ZFC3H1: variants seen among roughly 807,000 people sequenced by gnomAD.
ZFC3H1 encodes zinc finger C3H1-type containing.
In ZFC3H1, 71 loss-of-function variants were observed where a neutral mutation model predicts 243.7. The observed-to-expected ratio is 0.29, with a 90% CI of 0.24 to 0.36. ZFC3H1 has a LOEUF of 0.36. ZFC3H1 is among the 10% of genes least tolerant of loss of function. The probability of loss-of-function intolerance (pLI) is 1.00; values close to 1 mark genes in which losing one functional copy is unlikely to be tolerated. For synonymous variants in ZFC3H1, 838 were observed against 813.0 expected, an observed-to-expected ratio of 1.03 and a Z score of -0.52; for missense variants, 1,966 against 2,317.1, an observed-to-expected ratio of 0.85 and a Z score of 3.11.
intron 5 of ZFC3H1, among the ~76,000 whole-genome samples, chr12:71,643,879 A>G (rs1030988920): frequency 6.6e-6 from 1 of 152,208 alleles, no homozygotes; most frequent in Non-Finnish European, 1.5e-5. Context: ...GAAAATCGTA[A>G]AAAACCTAAA....
At chr12:71,618,500 A>G (rs191185667) in intron 27 of ZFC3H1, among the ~76,000 whole-genome samples, 94 of 152,290 alleles carry the variant, frequency 6.2e-4, no homozygotes, top group Non-Finnish European at 9.7e-4. Context: ...TTTACTTATG[A>G]TCGGCAAACC....
chr12:71,619,210 TAA>T (rs2137519394), intron 27 of ZFC3H1, 103 bp downstream of exon 27: 3 of 973,718 alleles, frequency 3.1e-6, no homozygotes, highest in East Asian at 5.2e-5. Flanking sequence ...ATTCAAGTAC[TAA>T]AAAGTCAGTC....
Position 71,644,992 on chromosome 12 carries a change from T to C in ZFC3H1, c.1164A>G (p.Gln388=), listed in dbSNP as rs181741024. 289 of 1,613,842 alleles carry C rather than the reference T, an allele frequency of 1.8e-4. 1 individual carries two copies. In the East Asian group the frequency reaches 6.1e-3, roughly 34 times the overall value. Residue 388 remains glutamine (Q), a synonymous_variant, in exon 4 of 35, where the codon CAA becomes CAG. Coordinates refer to ENST00000378743, the MANE Select transcript of ZFC3H1 (RefSeq NM_144982.5). ...ALQSASKKWQ[Q]KEQQVMKESK... ...TTTCTTTCATCACCTGCTGTTCTTT[T>C]TGTTGCCATTTTTTACTGGCTGACT...
chr12:71,613,456 G>A lies in ZFC3H1; in HGVS notation c.5527-21C>T, dbSNP rs567508114. 98 of 1,538,056 alleles carry A rather than the reference G, an allele frequency of 6.4e-5. 1 individual carries two copies. The highest frequency in any genetic ancestry group is 7.5e-5 in the Non-Finnish European group (85 of 1,132,274). On this transcript the variant is annotated intron_variant, in intron 30 of 34. Coordinates refer to ENST00000378743, the MANE Select transcript of ZFC3H1 (RefSeq NM_144982.5). ...ATAACCTGTAAAGGTTGAGGGGGGC[G>A]AAAAATGAATGCAACCAAAATGTGA...
At chr12:71,618,279 A>T (rs1046805535) in intron 27 of ZFC3H1, among the ~76,000 whole-genome samples, 8 of 127,872 alleles carry the variant, frequency 6.3e-5, no homozygotes, top group African/African-American at 8.6e-5. Context: ...AAATAAAATT[A>T]AAAAAAAAAA....
intron 24 of ZFC3H1, among the ~76,000 whole-genome samples, chr12:71,623,153 G>A (rs17110032): frequency 0.017 from 2,613 of 152,038 alleles, 63 homozygotes; most frequent in African/African-American, 0.059. Flanking sequence ...ATGTAATATC[G>A]TGCAGTTATT....
intron 1 of ZFC3H1, among the ~76,000 whole-genome samples, chr12:71,661,727 C>T (rs1881182269): frequency 6.6e-6 from 1 of 151,928 alleles, no homozygotes; most frequent in Non-Finnish European, 1.5e-5. Flanking sequence ...AGTGATCCAC[C>T]GCCTCGGCCT....
intron 4 of ZFC3H1, 91 bp downstream of exon 4, chr12:71,644,786 C>T (rs1880686259): frequency 1.4e-6 from 2 of 1,444,630 alleles, no homozygotes; most frequent in Non-Finnish European, 1.9e-6. Context: ...CCACTGTACT[C>T]CAGCCTGGGC....
At chr12:71,662,652 AT>A (rs1177719965) in intron 1 of ZFC3H1, among the ~76,000 whole-genome samples, 1 of 152,182 alleles carries the variant, frequency 6.6e-6, no homozygotes, top group Non-Finnish European at 1.5e-5. Flanking sequence ...GTTTATGAAT[AT>A]TTTTTCTCTA....
chr12:71,610,441 C>T lies in ZFC3H1; in HGVS notation c.5957G>A (p.Ser1986Asn). Residue 1986 changes from serine (S) to asparagine (N), a missense_variant, in exon 35 of 35, where the codon AGC becomes AAC. Transcript: ENST00000378743. ...TGCACCCAGTGTTCAGTGATTCTTG[C>T]TTTCTGTTTTGTTACTGTTTAAATT... ...LLNLNSNKTE[S>N]KNH is the part of the protein sequence containing the mutation. 4 of 1,612,998 alleles carry T rather than the reference C, an allele frequency of 2.5e-6. No homozygotes were observed. The highest frequency in any genetic ancestry group is 3.4e-6 in the Non-Finnish European group (4 of 1,179,354).
At chr12:71,626,049 C>T (rs1880156985) in intron 22 of ZFC3H1, among the ~76,000 whole-genome samples, 1 of 152,008 alleles carries the variant, frequency 6.6e-6, no homozygotes, top group Non-Finnish European at 1.5e-5. Context: ...AAAAAAATCA[C>T]CTCTTCACTA....
intron 16 of ZFC3H1, 101 bp downstream of exon 16, chr12:71,631,677 T>C (rs1032702851): frequency 1.2e-5 from 12 of 1,038,576 alleles, no homozygotes; most frequent in Admixed American, 8.6e-5. Flanking sequence ...TCAATAGCAA[T>C]GATTCAATTG....
chr12:71,650,268 C>T (rs946270935), intron 2 of ZFC3H1, among the ~76,000 whole-genome samples: 6 of 151,886 alleles, frequency 4.0e-5, no homozygotes, highest in Admixed American at 1.3e-4. Flanking sequence ...AGAGCGAGTC[C>T]GTCTCAAAAA....
chr12:71,632,642 AAC>A (rs2137535587), intron 14 of ZFC3H1, 128 bp from the exon 15 acceptor site: 2 of 1,286,766 alleles, frequency 1.6e-6, no homozygotes, highest in South Asian at 3.3e-5. Flanking sequence ...TGGAGAATAA[AAC>A]AGAGTTTAAC....
intron 3 of ZFC3H1, among the ~76,000 whole-genome samples, chr12:71,647,328 T>C (rs796645192): frequency 2.0e-5 from 3 of 152,010 alleles, no homozygotes; most frequent in Admixed American, 6.6e-5. Context: ...GAAAAGAATA[T>C]AGAAGCAAGC....
chr12:71,648,628 G>A (rs921377362), intron 2 of ZFC3H1, among the ~76,000 whole-genome samples: 1 of 152,140 alleles, frequency 6.6e-6, no homozygotes, highest in African/African-American at 2.4e-5. Context: ...TAATTTGACT[G>A]CTCAAGTGAA....
intron 24 of ZFC3H1, among the ~76,000 whole-genome samples, chr12:71,622,950 C>T (rs1343060731): frequency 6.6e-6 from 1 of 151,536 alleles, no homozygotes; most frequent in African/African-American, 2.4e-5. Flanking sequence ...AGAGAAGCAA[C>T]CAAACTCACT....
chr12:71,617,269 T>C (rs991728166), intron 27 of ZFC3H1, among the ~76,000 whole-genome samples: 3 of 152,218 alleles, frequency 2.0e-5, no homozygotes, highest in Non-Finnish European at 2.9e-5. Flanking sequence ...GTCTCATCTA[T>C]CGTCATTCTC....
At chr12:71,611,728 G>T in intron 32 of ZFC3H1, 58 bp downstream of exon 32, 1 of 1,020,782 alleles carries the variant, frequency 9.8e-7, no homozygotes, top group Non-Finnish European at 1.4e-6. Context: ...CCTGTCTGGA[G>T]CAAACCTTAT....
Sources: gnomAD v4.1 joint callset for allele counts (sites outside exome capture counted in the v4.1 genomes callset) on GRCh38, gnomAD v4.1.1 for gene constraint, MANE v1.5 for transcripts, NCBI Gene and HGNC (gene_info 2026-07-23, HGNC 2026-07-21) for gene names.